Variants in PCDH15 observed in about 807,000 individuals in gnomAD.
PCDH15 encodes the protein protocadherin-15.
In PCDH15, 129 loss-of-function variants were observed where a neutral mutation model predicts 178.5. The observed-to-expected ratio is 0.72, with a 90% confidence interval of 0.63 to 0.84. The LOEUF (loss-of-function observed/expected upper bound fraction) is 0.84. Ranked by LOEUF, PCDH15 falls within the 40% of genes least tolerant of loss-of-function variation. The probability of loss-of-function intolerance (pLI) is 0.00; values close to 1 mark genes in which losing one functional copy is unlikely to be tolerated. For synonymous variants in PCDH15, 800 were observed against 732.0 expected, an observed-to-expected ratio of 1.09 and a Z score of -1.50; for missense variants, 2,230 against 2,099.9, an observed-to-expected ratio of 1.06 and a Z score of -1.21.
At chr10:54,517,632 G>C (rs2082369336) in intron 3 of PCDH15, among the ~76,000 whole-genome samples, 1 of 152,062 alleles carries the variant, frequency 6.6e-6, no homozygotes, top group Non-Finnish European at 1.5e-5. Context: ...ACACCCCACT[G>C]TCAACATTAG....
intron 2 of PCDH15, among the ~76,000 whole-genome samples, chr10:55,623,421 C>T (rs1837449513): frequency 6.6e-6 from 1 of 151,958 alleles, no homozygotes. Context: ...TTTTAAAACA[C>T]AAATCAATCC....
intron 6 of PCDH15, among the ~76,000 whole-genome samples, chr10:54,341,476 G>C (rs1281502872): frequency 2.0e-5 from 3 of 152,150 alleles, no homozygotes; most frequent in Non-Finnish European, 2.9e-5. Context: ...CTGTGAGTCA[G>C]TTAAACCTCC....
intron 26 of PCDH15, among the ~76,000 whole-genome samples, chr10:53,876,861 A>T (rs1244136607): frequency 6.6e-6 from 1 of 152,184 alleles, no homozygotes; most frequent in Non-Finnish European, 1.5e-5. Context: ...GTAATAATGG[A>T]AACACGCCAG....
At chr10:54,593,231 C>CA (rs556694911) in intron 2 of PCDH15, among the ~76,000 whole-genome samples, 7 of 152,074 alleles carry the variant, frequency 4.6e-5, no homozygotes, top group Non-Finnish European at 7.4e-5. Flanking sequence ...CTCTCATATC[C>CA]AAAAAAATCA....
chr10:55,317,013 C>A (rs1435630041), intron 1 of PCDH15, among the ~76,000 whole-genome samples: 2 of 152,098 alleles, frequency 1.3e-5, no homozygotes, highest in African/African-American at 4.8e-5. Context: ...TTGCTTAAAG[C>A]TGGCTTAGCT....
chr10:55,485,888 C>T (rs1366292679), intron 2 of PCDH15, among the ~76,000 whole-genome samples: 6 of 151,632 alleles, frequency 4.0e-5, no homozygotes, highest in East Asian at 3.9e-4. Flanking sequence ...TCTGGAACTT[C>T]GATAACCATA....
At chr10:54,750,021 A>G (rs944259890) in intron 1 of PCDH15, among the ~76,000 whole-genome samples, 13 of 152,076 alleles carry the variant, frequency 8.5e-5, no homozygotes, top group Non-Finnish European at 1.5e-4. Flanking sequence ...TACTACTCTC[A>G]TTAGCAATAA....
At chr10:54,611,270 T>C (rs951445383) in intron 2 of PCDH15, among the ~76,000 whole-genome samples, 6 of 151,838 alleles carry the variant, frequency 4.0e-5, no homozygotes, top group Non-Finnish European at 7.4e-5. Context: ...ATCAGTAATA[T>C]TGATGTTTTT....
intron 2 of PCDH15, among the ~76,000 whole-genome samples, chr10:55,079,126 G>A (rs1330188579): frequency 2.0e-5 from 3 of 151,924 alleles, no homozygotes; most frequent in African/African-American, 7.3e-5. Flanking sequence ...GTGATGTGTT[G>A]CTAGAGAATT....
chr10:54,676,951 A>C (rs989175674), intron 1 of PCDH15, among the ~76,000 whole-genome samples: 4 of 152,208 alleles, frequency 2.6e-5, no homozygotes, highest in Non-Finnish European at 5.9e-5. Flanking sequence ...GCAAAGATGA[A>C]ATCAGATATT....
intron 3 of PCDH15, among the ~76,000 whole-genome samples, chr10:54,466,707 C>T (rs535403888): frequency 4.0e-5 from 6 of 151,666 alleles, no homozygotes; most frequent in Non-Finnish European, 8.9e-5. Flanking sequence ...TGTAAAATTG[C>T]CATTGGCGTT....
chr10:54,213,420 T>A (rs779131626), intron 10 of PCDH15, among the ~76,000 whole-genome samples: 1 of 152,168 alleles, frequency 6.6e-6, no homozygotes, highest in African/African-American at 2.4e-5. Context: ...TCTAAGATCA[T>A]CTTTCAATAT....
intron 8 of PCDH15, among the ~76,000 whole-genome samples, chr10:54,254,549 A>G (rs2056755312): frequency 6.6e-6 from 1 of 152,138 alleles, no homozygotes; most frequent in Non-Finnish European, 1.5e-5. Context: ...CACAGCTAGC[A>G]TCTGAATCAC....
At chr10:54,036,521 C>G (rs1170898783) in intron 18 of PCDH15, among the ~76,000 whole-genome samples, 1 of 151,740 alleles carries the variant, frequency 6.6e-6, no homozygotes, top group Non-Finnish European at 1.5e-5. Context: ...GAAGCATAAA[C>G]TATGTTTACA....
chr10:54,039,799 CCT>C (rs1352425699), intron 18 of PCDH15, among the ~76,000 whole-genome samples: 1 of 152,004 alleles, frequency 6.6e-6, no homozygotes, highest in Admixed American at 6.6e-5. Flanking sequence ...GACTCTGTTG[CCT>C]CTCTTTCTGG....
intron 2 of PCDH15, among the ~76,000 whole-genome samples, chr10:55,347,290 C>T (rs139619637): frequency 1.3e-5 from 2 of 152,086 alleles, no homozygotes; most frequent in African/African-American, 4.8e-5. Flanking sequence ...AGGCAGTTTA[C>T]TTAAATGCAA....
intron 18 of PCDH15, among the ~76,000 whole-genome samples, chr10:54,063,816 C>A (rs554616607): frequency 2.0e-5 from 3 of 152,286 alleles, no homozygotes; most frequent in African/African-American, 7.2e-5. Flanking sequence ...GTAGCTCCAG[C>A]CGCCCTCTCC....
rs115384067 is a variant in PCDH15, at chr10:54,413,324, A to G, written c.158-34382T>C. The stretch of plus-strand genomic sequence containing the variant: ...CTGAAGGCACTATTTCTCAAAGTGA[A>G]GTCCAGGAACCACTTGATCAAAGGT... On this transcript the variant is annotated intron_variant, in intron 3 of 37. Coordinates refer to ENST00000644397, the MANE Select transcript of PCDH15 (RefSeq NM_001384140.1). 4.9e-3 allele frequency among the ~76,000 whole-genome samples: 741 copies of G among 152,264 alleles called. 8 individuals are homozygous for G. The highest frequency in any genetic ancestry group is 0.017 in the African/African-American group (688 of 41,552).
chr10:53,884,839 T>C (rs763347269), intron 26 of PCDH15, among the ~76,000 whole-genome samples: 1 of 152,156 alleles, frequency 6.6e-6, no homozygotes, highest in East Asian at 1.9e-4. Context: ...CAGACCCTTA[T>C]AAATGTAGGT....
Sources: allele counts gnomAD v4.1 joint callset (sites outside exome capture counted in the v4.1 genomes callset), GRCh38; gene constraint gnomAD v4.1.1; transcripts MANE v1.5; gene names NCBI Gene and HGNC (gene_info 2026-07-23, HGNC 2026-07-21).